The following SPATA6 variants were observed in gnomAD, a reference collection of about 807,000 sequenced individuals.
SPATA6 encodes spermatogenesis-associated protein 6.
Under a neutral mutation model 65.3 loss-of-function variants are expected in SPATA6, and 56 were observed. That is an observed-to-expected ratio of 0.86 (90% confidence interval 0.69 to 1.07). The LOEUF is 1.07. Among genes scored for constraint, SPATA6 ranks in the 50% least tolerant of loss-of-function variants. SPATA6 has a pLI of 0.00. For missense variants in SPATA6, 590 were observed against 594.8 expected, an observed-to-expected ratio of 0.99 and a Z score of 0.08; for synonymous variants, 199 against 213.2, an observed-to-expected ratio of 0.93 and a Z score of 0.58.
At chr1:48,391,772 T>G (rs1049416919) in intron 8 of SPATA6, among the ~76,000 whole-genome samples, 4 of 152,034 alleles carry the variant, frequency 2.6e-5, no homozygotes, top group Non-Finnish European at 5.9e-5. Context: ...TAAGTCAGAA[T>G]GGTATAATAA....
At chr1:48,283,719 A>AAGAAAGAAAGAAAGAAAGAAAGAAAG in the SPATA6 span, among the ~76,000 whole-genome samples, 2 of 149,088 alleles carry the variant, frequency 1.3e-5, no homozygotes, top group African/African-American at 2.5e-5. Context: ...GAAAGAAAGA[A>AAGAAAGAAAGAAAGAAAGAAAGAAAG]AGAAAATTCT....
intron 9 of SPATA6, among the ~76,000 whole-genome samples, chr1:48,366,938 T>A (rs1276080361): frequency 6.6e-6 from 1 of 152,248 alleles, no homozygotes; most frequent in Non-Finnish European, 1.5e-5. Flanking sequence ...CATTCAGTGC[T>A]ATAAATTTCC....
In SPATA6 at chr1:48,472,021, GGGCGGCGGGGAGTGACCCC is replaced by G; in HGVS notation, c.-32_-14del. 9 of 1,532,356 alleles carry G rather than the reference GGGCGGCGGGGAGTGACCCC, an allele frequency of 5.9e-6. No homozygotes were observed. The highest frequency in any genetic ancestry group is 7.0e-6 in the Non-Finnish European group (8 of 1,143,940). The allele number at this position is 1,532,356 out of a possible 1,614,324, so 94.9% of individuals were successfully genotyped here. ...TCACCTTCGGCATCCGTGCGGGGAG[GGGCGGCGGGGAGTGACCCC>G]GGCCACGGGCCCGAGTGAGGCGGGG... On this transcript the variant is annotated 5_prime_UTR_variant, in exon 1 of 13. Transcript: ENST00000371847.
intron 9 of SPATA6, among the ~76,000 whole-genome samples, chr1:48,372,590 C>G (rs1031207292): frequency 6.6e-6 from 1 of 152,210 alleles, no homozygotes; most frequent in Non-Finnish European, 1.5e-5. Context: ...GATGGTGGCC[C>G]TCTTTTCACA....
rs764994571 is a variant in SPATA6, at chr1:48,399,668, A to G, written c.487-24T>C. The G allele has an allele frequency of 2.6e-6, 4 of 1,536,746 alleles. No individual in the cohort carries two copies. The East Asian group carries it at 9.1e-5, about 35-fold the overall frequency. ...TCCTAAACATAAAAAATAAAAATTA[A>G]CTTGGTCAAAGGGGATTTTTAAAAT... On this transcript the variant is annotated intron_variant, in intron 6 of 12. Coordinates refer to ENST00000371847, the MANE Select transcript of SPATA6 (RefSeq NM_019073.4).
intron 12 of SPATA6, among the ~76,000 whole-genome samples, chr1:48,300,713 TG>T (rs1324619460): frequency 3.3e-5 from 5 of 152,092 alleles, no homozygotes; most frequent in Admixed American, 6.6e-5. Flanking sequence ...TCATTCACCA[TG>T]ATCAAATGGT....
At chr1:48,316,209 G>C (rs577448323) in intron 11 of SPATA6, among the ~76,000 whole-genome samples, 149 of 152,104 alleles carry the variant, frequency 9.8e-4, no homozygotes, top group Non-Finnish European at 1.6e-3. Context: ...AAACAAAAAG[G>C]AGCCCGCATT....
chr1:48,467,756 GA>G (rs1395093601), intron 1 of SPATA6, among the ~76,000 whole-genome samples: 2 of 152,102 alleles, frequency 1.3e-5, no homozygotes, highest in African/African-American at 4.8e-5. Context: ...GGTCTGACTA[GA>G]TATCTCAAAT....
intron 11 of SPATA6, among the ~76,000 whole-genome samples, chr1:48,315,150 C>A (rs1276646403): frequency 6.6e-6 from 1 of 152,160 alleles, no homozygotes; most frequent in Admixed American, 6.5e-5. Flanking sequence ...TGAAACTATT[C>A]CAATCAACAC....
At chr1:48,338,886 AC>A in intron 11 of SPATA6, among the ~76,000 whole-genome samples, 1 of 152,020 alleles carries the variant, frequency 6.6e-6, no homozygotes, top group East Asian at 1.9e-4. Context: ...CTTGAAAAGA[AC>A]CGATGAGTTG....
At chr1:48,393,592 T>C (rs927693641) in intron 8 of SPATA6, among the ~76,000 whole-genome samples, 1 of 152,206 alleles carries the variant, frequency 6.6e-6, no homozygotes, top group African/African-American at 2.4e-5. Context: ...TAATCTGCTA[T>C]ATTGTTAATT....
chr1:48,299,343 A>G (rs1005210458), intron 12 of SPATA6, among the ~76,000 whole-genome samples: 17 of 151,442 alleles, frequency 1.1e-4, no homozygotes, highest in African/African-American at 3.6e-4. Context: ...GAGAAACCCC[A>G]TATCTACTAA....
At chr1:48,282,213 C>G in the SPATA6 span, among the ~76,000 whole-genome samples, 2 of 152,136 alleles carry the variant, frequency 1.3e-5, no homozygotes, top group Non-Finnish European at 2.9e-5. Context: ...AAACGTTAGA[C>G]CTAAAACCAT....
chr1:48,449,081 T>G (rs1416966894), intron 3 of SPATA6, among the ~76,000 whole-genome samples: 2 of 152,056 alleles, frequency 1.3e-5, no homozygotes, highest in Non-Finnish European at 2.9e-5. Context: ...AAGGAGGGAA[T>G]GAAGGATTTG....
At chr1:48,348,933 C>A (rs72893222) in intron 11 of SPATA6, among the ~76,000 whole-genome samples, 3,896 of 151,904 alleles carry the variant, frequency 0.026, 107 homozygotes, top group African/African-American at 0.071. Context: ...TTATTTACTT[C>A]TTGGTTCAAC....
intron 11 of SPATA6, among the ~76,000 whole-genome samples, chr1:48,332,344 T>C (rs140218557): frequency 1.0e-3 from 158 of 152,218 alleles, no homozygotes; most frequent in African/African-American, 3.7e-3. Flanking sequence ...GAGACCCATC[T>C]CACATGCAAT....
At chr1:48,294,221 T>A (rs1644786202), downstream of SPATA6, among the ~76,000 whole-genome samples, 1 of 152,054 alleles carries the variant, frequency 6.6e-6, no homozygotes, top group Non-Finnish European at 1.5e-5. Flanking sequence ...GGACTACAGG[T>A]GCATGCCACT....
At chr1:48,353,971 T>A (rs368100926) in intron 11 of SPATA6, among the ~76,000 whole-genome samples, 12 of 151,750 alleles carry the variant, frequency 7.9e-5, no homozygotes, top group African/African-American at 2.9e-4. Context: ...GAAAAAAAAT[T>A]GCAAAACATA....
intron 11 of SPATA6, among the ~76,000 whole-genome samples, chr1:48,330,994 C>T (rs112565820): frequency 6.6e-5 from 10 of 152,250 alleles, no homozygotes; most frequent in African/African-American, 2.4e-4. Flanking sequence ...CAGTAGTAGA[C>T]TAGAATAGAA....
Sources: allele counts gnomAD v4.1 joint callset (sites outside exome capture counted in the v4.1 genomes callset), GRCh38; gene constraint gnomAD v4.1.1; transcripts MANE v1.5; gene names NCBI Gene and HGNC (gene_info 2026-07-23, HGNC 2026-07-21).